Variants in IL1RAPL1 observed in about 807,000 individuals in gnomAD.
The protein encoded by IL1RAPL1 is interleukin-1 receptor accessory protein-like 1.
Under a neutral mutation model 48.4 loss-of-function variants are expected in IL1RAPL1, and 3 were observed. That is an observed-to-expected ratio of 0.06 (90% CI 0.03 to 0.16). IL1RAPL1 has a LOEUF of 0.16. IL1RAPL1 is among the 10% of genes least tolerant of loss of function. IL1RAPL1 has a pLI of 1.00. For missense variants in IL1RAPL1, 349 were observed against 530.6 expected (o/e 0.66, Z 3.36); for synonymous variants, 185 against 187.7 (o/e 0.99, Z 0.12).
chrX:29,129,588 ATTT>A (rs754196116), intron 2 of IL1RAPL1, among the ~76,000 whole-genome samples: 4 of 59,866 alleles, frequency 6.7e-5, no homozygotes, highest in African/African-American at 2.1e-4. Flanking sequence ...AATAATGTAA[ATTT>A]TTTTTTTTTT....
chrX:28,617,802 G>A (rs903313644), intron 1 of IL1RAPL1, among the ~76,000 whole-genome samples: 2 of 112,170 alleles, frequency 1.8e-5, no homozygotes, highest in Non-Finnish European at 3.8e-5. Flanking sequence ...TGGGAAAGAG[G>A]CAGGAGAGAA....
intron 6 of IL1RAPL1, among the ~76,000 whole-genome samples, chrX:29,680,764 A>C (rs1383748916): frequency 9.0e-6 from 1 of 111,464 alleles, no homozygotes; most frequent in Non-Finnish European, 1.9e-5. Context: ...GATGCATTTG[A>C]ATGCAGTCTC....
At chrX:29,203,645 G>T (rs1930601480) in intron 2 of IL1RAPL1, among the ~76,000 whole-genome samples, 1 of 105,122 alleles carries the variant, frequency 9.5e-6, no homozygotes, top group South Asian at 4.4e-4. Context: ...CTTGAACCCG[G>T]GAGGCAGAGG....
intron 1 of IL1RAPL1, among the ~76,000 whole-genome samples, chrX:28,634,356 TATGTGTATATATAC>T (rs1252732871): frequency 9.1e-6 from 1 of 109,484 alleles, no homozygotes; most frequent in Non-Finnish European, 1.9e-5. Context: ...TATATGTATA[TATGTGTATATATAC>T]ATATACACGT....
Position 28,996,474 on chromosome X carries a change from G to T in IL1RAPL1, c.82+207049G>T, listed in dbSNP as rs987714515. On this transcript the variant is annotated intron_variant, in intron 2 of 10. Coordinates refer to ENST00000378993, the MANE Select transcript of IL1RAPL1 (RefSeq NM_014271.4). The stretch of plus-strand genomic sequence containing the variant: ...TCTTTTGGGTATGTTCCTAGGAATG[G>T]AATTCCTGGGTCATATGATAATTCT... 1.1e-3 allele frequency among the ~76,000 whole-genome samples: 121 copies of T among 111,254 alleles called. 2 individuals carry two copies. In the Admixed American group the frequency reaches 0.011, roughly 10 times the overall value.
In IL1RAPL1 at chrX:28,640,879, A is replaced by G. The variant is rs182648694; in HGVS notation, c.-25+52832A>G. Among the ~76,000 whole-genome samples the G allele has an allele frequency of 5.4e-5, 6 of 110,879 alleles. No homozygotes were observed. In the East Asian group the frequency reaches 1.7e-3, roughly 32 times the overall value. On this transcript the variant is annotated intron_variant, in intron 1 of 10. Transcript: ENST00000378993. ...AGGAAGCTACCAGTATTACTTATCT[A>G]TGCTGCATATCAAATCCCCAAACTT... is the stretch of plus-strand genomic sequence containing the variant.
chrX:29,927,054 TAGAG>T (rs1601887276), intron 8 of IL1RAPL1, among the ~76,000 whole-genome samples: 1 of 112,231 alleles, frequency 8.9e-6, no homozygotes, highest in Non-Finnish European at 1.9e-5. Context: ...TTTCCATGCT[TAGAG>T]AGTCAGCTAA....
intron 5 of IL1RAPL1, among the ~76,000 whole-genome samples, chrX:29,408,286 A>G (rs1428776577): frequency 8.9e-6 from 1 of 111,781 alleles, no homozygotes; most frequent in African/African-American, 3.2e-5. Flanking sequence ...TATTGATTAC[A>G]TTACATGATT....
intron 3 of IL1RAPL1, among the ~76,000 whole-genome samples, chrX:29,333,048 T>C (rs1932905149): frequency 1.8e-5 from 2 of 112,402 alleles, no homozygotes; most frequent in Non-Finnish European, 3.8e-5. Flanking sequence ...TGTCTACTTC[T>C]ATCCACACAG....
intron 6 of IL1RAPL1, among the ~76,000 whole-genome samples, chrX:29,849,253 A>G (rs952148762): frequency 6.2e-5 from 7 of 112,073 alleles, no homozygotes; most frequent in Non-Finnish European, 9.4e-5. Context: ...ATTACATGTA[A>G]ACATGTAAAT....
At chrX:29,809,584 TC>T (rs1930338362) in intron 6 of IL1RAPL1, among the ~76,000 whole-genome samples, 1 of 111,132 alleles carries the variant, frequency 9.0e-6, no homozygotes, top group Non-Finnish European at 1.9e-5. Flanking sequence ...TTTTTCTAAT[TC>T]ACAAACGGGA....
intron 2 of IL1RAPL1, among the ~76,000 whole-genome samples, chrX:29,149,015 G>T (rs1002018968): frequency 1.8e-5 from 2 of 110,531 alleles, no homozygotes; most frequent in African/African-American, 6.6e-5. Context: ...CTTTATCATT[G>T]CTTTACTTAG....
intron 2 of IL1RAPL1, among the ~76,000 whole-genome samples, chrX:28,838,416 A>T (rs1366097409): frequency 9.0e-6 from 1 of 111,207 alleles, no homozygotes; most frequent in East Asian, 2.8e-4. Flanking sequence ...AGATTTTGAC[A>T]GCTGGAAATA....
intron 3 of IL1RAPL1, among the ~76,000 whole-genome samples, chrX:29,363,722 A>G (rs1443963419): frequency 9.0e-6 from 1 of 111,272 alleles, no homozygotes; most frequent in Non-Finnish European, 1.9e-5. Flanking sequence ...CAAGTCTCAC[A>G]TGCAGAGCAG....
intron 3 of IL1RAPL1, among the ~76,000 whole-genome samples, chrX:29,340,237 T>G (rs1025873715): frequency 9.0e-6 from 1 of 111,526 alleles, no homozygotes; most frequent in Non-Finnish European, 1.9e-5. Context: ...ATTTAGAACA[T>G]TCACAGCGCT....
At chrX:29,619,577 C>T (rs184512363) in intron 5 of IL1RAPL1, among the ~76,000 whole-genome samples, 1 of 111,749 alleles carries the variant, frequency 8.9e-6, no homozygotes, top group African/African-American at 3.2e-5. Flanking sequence ...GCTATGAATA[C>T]ATTCTGTTAC....
chrX:29,112,470 CT>C (rs61113350), intron 2 of IL1RAPL1, among the ~76,000 whole-genome samples: 21,377 of 91,937 alleles, frequency 0.23, 2,480 homozygotes, highest in African/African-American at 0.42. Context: ...GATTTGATTT[CT>C]TTTTTTTTTT....
chrX:29,544,600 C>T (rs773967130), intron 5 of IL1RAPL1, among the ~76,000 whole-genome samples: 5 of 111,347 alleles, frequency 4.5e-5, no homozygotes, highest in Non-Finnish European at 9.4e-5. Context: ...AGTGGGTATT[C>T]GTAATATAAC....
chrX:28,762,784 G>GTGCACA (rs1936187441), intron 1 of IL1RAPL1, among the ~76,000 whole-genome samples: 3 of 54,376 alleles, frequency 5.5e-5, no homozygotes, highest in African/African-American at 3.6e-4. Context: ...ACGCACGCGC[G>GTGCACA]CGCACACACA....
Sources: allele counts gnomAD v4.1 joint callset (sites outside exome capture counted in the v4.1 genomes callset), GRCh38; gene constraint gnomAD v4.1.1; transcripts MANE v1.5; gene names NCBI Gene and HGNC (gene_info 2026-07-23, HGNC 2026-07-21).